Variants in ARHGEF3 observed in about 807,000 individuals in gnomAD.
The protein encoded by ARHGEF3 is Rho guanine nucleotide exchange factor 3, also known as 59.8 kDA protein.
In ARHGEF3, 28 loss-of-function variants were observed where a neutral mutation model predicts 63.2. The observed-to-expected ratio is 0.44, with a 90% CI of 0.33 to 0.61. The LOEUF (loss-of-function observed/expected upper bound fraction) is 0.61. ARHGEF3 is among the 20% of genes least tolerant of loss of function. The pLI, the probability that ARHGEF3 is intolerant of heterozygous loss-of-function variation, is 0.03. For synonymous variants in ARHGEF3, 266 were observed against 254.2 expected (o/e 1.05, Z -0.44); for missense variants, 533 against 659.3 (o/e 0.81, Z 2.10).
chr3:56,880,499 C>T (rs146988705), intron 4 of ARHGEF3, among the ~76,000 whole-genome samples: 2 of 152,184 alleles, frequency 1.3e-5, no homozygotes, highest in East Asian at 1.9e-4. Flanking sequence ...TAGAGACATG[C>T]TTTCCTGAAA....
intron 3 of ARHGEF3, among the ~76,000 whole-genome samples, chr3:56,896,958 T>C (rs1261156465): frequency 6.6e-6 from 1 of 152,234 alleles, no homozygotes; most frequent in African/African-American, 2.4e-5. Context: ...TTTTTCTGTT[T>C]TTAAGTAACC....
intron 1 of ARHGEF3, among the ~76,000 whole-genome samples, chr3:57,053,207 C>T (rs2107311583): frequency 6.6e-6 from 1 of 152,316 alleles, no homozygotes; most frequent in Non-Finnish European, 1.5e-5. Context: ...TCTCAAGCGC[C>T]TGCTCTCTTT....
intron 6 of ARHGEF3, among the ~76,000 whole-genome samples, chr3:56,749,271 G>A (rs942438901): frequency 3.3e-5 from 5 of 152,160 alleles, no homozygotes; most frequent in Non-Finnish European, 4.4e-5. Flanking sequence ...CTTCCTTTGG[G>A]TATGTACAGA....
chr3:56,837,040 G>A (rs1228428099), intron 4 of ARHGEF3, among the ~76,000 whole-genome samples: 1 of 152,144 alleles, frequency 6.6e-6, no homozygotes, highest in Non-Finnish European at 1.5e-5. Flanking sequence ...CAAATATGCG[G>A]CATGAATTCA....
chr3:56,820,219 A>G (rs2038429223), intron 4 of ARHGEF3, among the ~76,000 whole-genome samples: 1 of 152,218 alleles, frequency 6.6e-6, no homozygotes, highest in African/African-American at 2.4e-5. Flanking sequence ...GCCAGTAGCA[A>G]CTGGTATCTG....
intron 1 of ARHGEF3, among the ~76,000 whole-genome samples, chr3:57,070,585 T>C (rs1185449521): frequency 6.6e-6 from 1 of 152,058 alleles, no homozygotes; most frequent in Non-Finnish European, 1.5e-5. Flanking sequence ...CCTGTCAAAA[T>C]CTCAGGTCTC....
rs1702250705 is a variant in ARHGEF3, at chr3:57,002,479, T to TTTTATATA, written c.62+32608_62+32609insTATATAAA. ...TCTAAGCACTATATATATATATATG[T>TTTTATATA]TATATATATATATATATGTTATATA... On this transcript the variant is annotated intron_variant, in intron 2 of 12. Coordinates refer to the ARHGEF3 transcript ENST00000338458. Among the ~76,000 whole-genome samples the TTTTATATA allele has an allele frequency of 7.6e-5, 3 of 39,472 alleles. 1 individual carries two copies. Among genetic ancestry groups the TTTTATATA allele is most frequent in the Admixed American group, 7.0e-4 (2 of 2,856 alleles). 25.9% of individuals were successfully genotyped at this position (39,472 alleles called of 152,430 possible).
At chr3:57,074,329 C>A in intron 1 of ARHGEF3, 2 of 1,432,864 alleles carry the variant, frequency 1.4e-6, no homozygotes, top group Non-Finnish European at 1.9e-6. Context: ...TTTGCACATG[C>A]TATGCCCTCC....
At chr3:56,967,512 A>G (rs1700596674) in intron 2 of ARHGEF3, among the ~76,000 whole-genome samples, 1 of 89,420 alleles carries the variant, frequency 1.1e-5, no homozygotes, top group Non-Finnish European at 1.9e-5. Flanking sequence ...ATAATATATA[A>G]TATAATATAT....
At chr3:56,906,906 T>C (rs1578812302) in intron 3 of ARHGEF3, among the ~76,000 whole-genome samples, 1 of 151,630 alleles carries the variant, frequency 6.6e-6, no homozygotes, top group African/African-American at 2.4e-5. Flanking sequence ...ATTAATGTTG[T>C]CTGCTTCTTT....
intron 8 of ARHGEF3, among the ~76,000 whole-genome samples, chr3:56,735,587 G>A (rs1029425170): frequency 6.6e-6 from 1 of 152,154 alleles, no homozygotes; most frequent in African/African-American, 2.4e-5. Context: ...AAGATAATAG[G>A]CTTACACCCT....
At chr3:56,995,611 T>A (rs1701939505) in intron 2 of ARHGEF3, among the ~76,000 whole-genome samples, 2 of 110,038 alleles carry the variant, frequency 1.8e-5, no homozygotes, top group South Asian at 2.8e-4. Flanking sequence ...CAAAAGAGAG[T>A]AAATTTTCCG....
chr3:57,048,542 C>A (rs1704552999), intron 1 of ARHGEF3, among the ~76,000 whole-genome samples: 1 of 152,090 alleles, frequency 6.6e-6, no homozygotes, highest in Admixed American at 6.5e-5. Context: ...GAGAGGCAGA[C>A]AATGGAAATA....
At chr3:56,816,870 A>T (rs979157623) in intron 4 of ARHGEF3, among the ~76,000 whole-genome samples, 4 of 152,198 alleles carry the variant, frequency 2.6e-5, no homozygotes, top group Non-Finnish European at 5.9e-5. Flanking sequence ...GCCAGAGCCT[A>T]TGATGCAAGG....
chr3:56,806,801 A>C (rs1251767685), upstream of ARHGEF3, among the ~76,000 whole-genome samples: 1 of 152,224 alleles, frequency 6.6e-6, no homozygotes, highest in Non-Finnish European at 1.5e-5. Context: ...TAAAACCAGA[A>C]GCTAACATGG....
chr3:56,966,114 A>G (rs1409218517), intron 2 of ARHGEF3, among the ~76,000 whole-genome samples: 1 of 152,270 alleles, frequency 6.6e-6, no homozygotes, highest in Non-Finnish European at 1.5e-5. Context: ...AGTCATATAT[A>G]TGTAATAAAA....
chr3:56,953,552 G>C (rs1331148559), intron 3 of ARHGEF3, among the ~76,000 whole-genome samples: 2 of 152,098 alleles, frequency 1.3e-5, no homozygotes, highest in Non-Finnish European at 2.9e-5. Context: ...GGCTCCAGTG[G>C]AGCTACCAGT....
At chr3:56,885,721 A>G (rs2040901195) in intron 3 of ARHGEF3, among the ~76,000 whole-genome samples, 1 of 152,168 alleles carries the variant, frequency 6.6e-6, no homozygotes, top group African/African-American at 2.4e-5. Context: ...AATGGCCTCC[A>G]ATGGTCTTTT....
chr3:56,938,058 T>C (rs998424535), intron 3 of ARHGEF3, among the ~76,000 whole-genome samples: 1 of 152,216 alleles, frequency 6.6e-6, no homozygotes, highest in Non-Finnish European at 1.5e-5. Flanking sequence ...TCCCTGAATG[T>C]GTATTAACCA....
Sources: gnomAD v4.1 joint callset for allele counts (sites outside exome capture counted in the v4.1 genomes callset) on GRCh38, gnomAD v4.1.1 for gene constraint, MANE v1.5 for transcripts, NCBI Gene and HGNC (gene_info 2026-07-23, HGNC 2026-07-21) for gene names.